Variants in COL23A1 observed in about 807,000 individuals in gnomAD.
COL23A1 encodes the protein collagen type XXIII alpha 1 chain, also known as collagen alpha-1(XXIII) chain.
COL23A1 carries 97 observed loss-of-function variants against 99.3 expected under a neutral mutation model. That is an observed-to-expected ratio of 0.98 (90% confidence interval 0.83 to 1.16). The LOEUF (loss-of-function observed/expected upper bound fraction) is 1.16. Among genes scored for constraint, COL23A1 ranks in the 50% most tolerant of loss-of-function variants. The pLI, the probability that COL23A1 is intolerant of heterozygous loss-of-function variation, is 0.00. For missense variants in COL23A1, 762 were observed against 757.4 expected, an observed-to-expected ratio of 1.01 and a Z score of -0.07; for synonymous variants, 320 against 308.2, an observed-to-expected ratio of 1.04 and a Z score of -0.40.
intron 3 of COL23A1, among the ~76,000 whole-genome samples, chr5:178,293,110 A>G (rs1453832017): frequency 6.6e-6 from 1 of 151,966 alleles, no homozygotes; most frequent in Non-Finnish European, 1.5e-5. Flanking sequence ...TGCAAAGGGG[A>G]GGAAATGAAC....
chr5:178,540,902 A>G (rs1761250029), intron 2 of COL23A1, among the ~76,000 whole-genome samples: 1 of 152,174 alleles, frequency 6.6e-6, no homozygotes, highest in Non-Finnish European at 1.5e-5. Context: ...ACTCCAGCCT[A>G]GGTGGACAGA....
intron 2 of COL23A1, among the ~76,000 whole-genome samples, chr5:178,315,762 C>CTTTTTT (rs34604670): frequency 2.1e-5 from 2 of 96,752 alleles, no homozygotes; most frequent in Admixed American, 1.2e-4. Flanking sequence ...GAAGCACTGA[C>CTTTTTT]TTTTTTTTTT....
At chr5:178,245,847 G>A in intron 25 of COL23A1, 95 bp downstream of exon 25, 1 of 1,414,822 alleles carries the variant, frequency 7.1e-7, no homozygotes. Context: ...TGGGGAAAGG[G>A]GTCACACTTG....
At chr5:178,326,579 C>T (rs542901675) in intron 2 of COL23A1, among the ~76,000 whole-genome samples, 8 of 152,210 alleles carry the variant, frequency 5.3e-5, no homozygotes, top group South Asian at 2.1e-4. Context: ...CTCTCCAGTT[C>T]GTCCTCTCTT....
At chr5:178,536,625 AC>A (rs1459914817) in intron 2 of COL23A1, among the ~76,000 whole-genome samples, 1 of 152,178 alleles carries the variant, frequency 6.6e-6, no homozygotes, top group Non-Finnish European at 1.5e-5. Context: ...TTCTAGGCCC[AC>A]AGCACTGAGT....
At chr5:178,566,156 T>G (rs1209612029) in intron 1 of COL23A1, among the ~76,000 whole-genome samples, 1 of 151,744 alleles carries the variant, frequency 6.6e-6, no homozygotes, top group South Asian at 2.1e-4. Context: ...AACAATAAAG[T>G]TGCTATCAGA....
At chr5:178,347,885 A>C (rs1043753992) in intron 2 of COL23A1, among the ~76,000 whole-genome samples, 2 of 101,568 alleles carry the variant, frequency 2.0e-5, no homozygotes, top group Non-Finnish European at 3.8e-5. Flanking sequence ...GTCTCAAAAA[A>C]AAAAAAAAAA....
Position 178,328,548 on chromosome 5 carries a change from T to C in COL23A1, c.362-21629A>G, listed in dbSNP as rs550525702. Among the ~76,000 whole-genome samples the C allele has an allele frequency of 3.9e-3, 588 of 152,336 alleles. 4 individuals carry two copies. Among genetic ancestry groups the C allele is most frequent in the African/African-American group, 0.013 (554 of 41,564 alleles). On this transcript the variant is annotated intron_variant, in intron 2 of 28. Transcript: ENST00000390654. ...CCCACCTGTGAAATGGGTCTATTCA[T>C]GGCTTTCTTAGGGAGCAGCTGTTAG...
chr5:178,288,419 A>C, intron 4 of COL23A1, 69 bp from the exon 5 acceptor site: 28 of 1,375,244 alleles, frequency 2.0e-5, no homozygotes, highest in Non-Finnish European at 2.5e-5. Flanking sequence ...CTTAGAGCTC[A>C]ATCAGGGCCC....
intron 4 of COL23A1, 188 bp from the exon 5 acceptor site, chr5:178,288,538 G>A (rs368579617): frequency 1.1e-5 from 7 of 659,472 alleles, no homozygotes; most frequent in Middle Eastern, 5.9e-4. Context: ...GCCTCAGAGG[G>A]CCAGGCTGGA....
chr5:178,270,778 A>G (rs543956006), intron 5 of COL23A1, among the ~76,000 whole-genome samples: 1 of 152,310 alleles, frequency 6.6e-6, no homozygotes, highest in Non-Finnish European at 1.5e-5. Flanking sequence ...TGGAGCTCCC[A>G]GGGACCACCA....
intron 1 of COL23A1, among the ~76,000 whole-genome samples, chr5:178,581,781 G>A (rs1187859801): frequency 6.6e-6 from 1 of 152,104 alleles, no homozygotes; most frequent in African/African-American, 2.4e-5. Flanking sequence ...AGATTTTCTT[G>A]ATGGGATATA....
Position 178,239,957 on chromosome 5 carries a change from C to T in COL23A1, c.1582-778G>A, listed in dbSNP as rs115741926. Among the ~76,000 whole-genome samples the T allele has an allele frequency of 2.4e-3, 371 of 152,156 alleles. 3 individuals are homozygous for T. The highest frequency in any genetic ancestry group is 7.4e-3 in the African/African-American group (307 of 41,402). On this transcript the variant is annotated intron_variant, in intron 27 of 28. Transcript: ENST00000390654. ...CTCTGGCTCCTCACCCTGGGGCCTG[C>T]GAGCTTTCAGGCCTTGGGCAGGAAT...
intron 2 of COL23A1, among the ~76,000 whole-genome samples, chr5:178,488,513 G>A (rs546547016): frequency 6.6e-5 from 10 of 151,946 alleles, no homozygotes; most frequent in Non-Finnish European, 1.0e-4. Flanking sequence ...GCCATCAGAC[G>A]CCAATTATAT....
At chr5:178,586,441 T>C (rs1764010423) in intron 1 of COL23A1, among the ~76,000 whole-genome samples, 1 of 152,170 alleles carries the variant, frequency 6.6e-6, no homozygotes, top group Non-Finnish European at 1.5e-5. Context: ...TATAAATTCA[T>C]TCAGCTTACA....
At chr5:178,579,730 G>T (rs1763564872) in intron 1 of COL23A1, among the ~76,000 whole-genome samples, 1 of 152,140 alleles carries the variant, frequency 6.6e-6, no homozygotes, top group Non-Finnish European at 1.5e-5. Context: ...GGGATTACAG[G>T]CATGAGCCAC....
At chr5:178,294,187 C>T (rs547755372) in intron 3 of COL23A1, among the ~76,000 whole-genome samples, 27 of 152,154 alleles carry the variant, frequency 1.8e-4, no homozygotes, top group Non-Finnish European at 3.7e-4. Flanking sequence ...GACAATGGCC[C>T]GAACCCAGTG....
intron 2 of COL23A1, among the ~76,000 whole-genome samples, chr5:178,414,171 G>A (rs991715508): frequency 3.3e-5 from 5 of 152,178 alleles, no homozygotes; most frequent in African/African-American, 1.2e-4. Flanking sequence ...TCTCATGTGG[G>A]GAAACAACTC....
intron 2 of COL23A1, among the ~76,000 whole-genome samples, chr5:178,359,682 CT>C (rs1762074324): frequency 6.6e-6 from 1 of 152,224 alleles, no homozygotes; most frequent in African/African-American, 2.4e-5. Flanking sequence ...CACGCTGGCT[CT>C]GTATGTCCAG....
Sources: allele counts gnomAD v4.1 joint callset (sites outside exome capture counted in the v4.1 genomes callset), GRCh38; gene constraint gnomAD v4.1.1; transcripts MANE v1.5; gene names NCBI Gene and HGNC (gene_info 2026-07-23, HGNC 2026-07-21).